Variants in REC114 observed in about 807,000 individuals in gnomAD.
The protein encoded by REC114 is REC114 meiotic recombination protein.
Under a neutral mutation model 31.3 loss-of-function variants are expected in REC114, and 27 were observed. That is an observed-to-expected ratio of 0.86 (90% confidence interval 0.64 to 1.19). The LOEUF is 1.19. Among genes scored for constraint, REC114 ranks in the 50% most tolerant of loss-of-function variants. The pLI is 0.00. For synonymous variants in REC114, 134 were observed against 127.7 expected, an observed-to-expected ratio of 1.05 and a Z score of -0.33; for missense variants, 344 against 326.9, an observed-to-expected ratio of 1.05 and a Z score of -0.40.
intron 2 of REC114, among the ~76,000 whole-genome samples, chr15:73,515,989 CTTT>C (rs200952058): frequency 7.0e-6 from 1 of 143,196 alleles, no homozygotes. Flanking sequence ...CTAGCTTTTT[CTTT>C]TTTTTTTTTT....
At chr15:73,545,218 A>T (rs1000435828) in intron 3 of REC114, among the ~76,000 whole-genome samples, 2 of 152,214 alleles carry the variant, frequency 1.3e-5, no homozygotes. Flanking sequence ...TTTACATGTA[A>T]GCCACCACTT....
At chr15:73,459,321 G>T (rs958266538) in intron 1 of REC114, among the ~76,000 whole-genome samples, 5 of 149,598 alleles carry the variant, frequency 3.3e-5, no homozygotes, top group South Asian at 2.1e-4. Flanking sequence ...TCTCCACCTC[G>T]CAGGGTCAAG....
At chr15:73,504,818 T>A (rs1893653425) in intron 2 of REC114, among the ~76,000 whole-genome samples, 1 of 152,192 alleles carries the variant, frequency 6.6e-6, no homozygotes, top group South Asian at 2.1e-4. Context: ...ATAAAAAATT[T>A]TGTGGGTTTT....
intron 2 of REC114, among the ~76,000 whole-genome samples, chr15:73,479,104 A>G (rs1210977135): frequency 6.6e-6 from 1 of 151,904 alleles, no homozygotes; most frequent in Non-Finnish European, 1.5e-5. Flanking sequence ...TTGAATAGCA[A>G]TGGTGAGAGT....
intron 1 of REC114, among the ~76,000 whole-genome samples, chr15:73,457,065 CT>C (rs934090597): frequency 0.034 from 2,343 of 68,000 alleles, 27 homozygotes; most frequent in African/African-American, 0.068. Context: ...TATTTCTGAG[CT>C]TTTTTTTTTT....
intron 2 of REC114, among the ~76,000 whole-genome samples, chr15:73,535,873 A>G (rs1444281196): frequency 6.6e-6 from 1 of 151,794 alleles, no homozygotes; most frequent in Non-Finnish European, 1.5e-5. Context: ...ATAACACCGC[A>G]TATCTACAAC....
intron 2 of REC114, among the ~76,000 whole-genome samples, chr15:73,528,031 TTTA>T (rs1424093436): frequency 6.6e-6 from 1 of 152,136 alleles, no homozygotes; most frequent in African/African-American, 2.4e-5. Flanking sequence ...AGCAAATATA[TTTA>T]AATTTGTAAG....
At chr15:73,500,830 C>T (rs909302721) in intron 2 of REC114, among the ~76,000 whole-genome samples, 1 of 150,068 alleles carries the variant, frequency 6.7e-6, no homozygotes, top group Non-Finnish European at 1.5e-5. Flanking sequence ...CTCCTCTGAA[C>T]TCTGATGAAT....
intron 1 of REC114, among the ~76,000 whole-genome samples, chr15:73,457,687 G>A (rs1892936361): frequency 6.6e-6 from 1 of 152,090 alleles, no homozygotes. Flanking sequence ...GATTTGTTCA[G>A]TTTTTTATTT....
At chr15:73,550,510 T>C (rs189883905) in intron 3 of REC114, among the ~76,000 whole-genome samples, 1 of 152,332 alleles carries the variant, frequency 6.6e-6, no homozygotes, top group East Asian at 1.9e-4. Flanking sequence ...TTGTTTAACA[T>C]AGTTATCTAC....
chr15:73,535,224 A>G (rs1894138492), intron 2 of REC114, among the ~76,000 whole-genome samples: 1 of 150,168 alleles, frequency 6.7e-6, no homozygotes, highest in Non-Finnish European at 1.5e-5. Flanking sequence ...CAATTAGGAA[A>G]AGAGGAAGCC....
chr15:73,551,689 C>A (rs763403283), intron 4 of REC114, among the ~76,000 whole-genome samples: 16 of 152,160 alleles, frequency 1.1e-4, no homozygotes, highest in Non-Finnish European at 1.9e-4. Context: ...GTATTTTGAA[C>A]TAGCCTCTTT....
At chr15:73,443,377 GC>G in intron 1 of REC114, 33 bp downstream of exon 1, 1 of 1,540,624 alleles carries the variant, frequency 6.5e-7, no homozygotes. Context: ...TCCCTGAGGT[GC>G]CCACAGCCCT....
intron 1 of REC114, among the ~76,000 whole-genome samples, chr15:73,457,808 T>C (rs1427827730): frequency 1.3e-5 from 2 of 152,236 alleles, no homozygotes; most frequent in African/African-American, 4.8e-5. Context: ...GTTTTTCTAC[T>C]GCAGGTCATC....
At chr15:73,551,798 T>C (rs1433843845) in intron 4 of REC114, among the ~76,000 whole-genome samples, 1 of 152,202 alleles carries the variant, frequency 6.6e-6, no homozygotes, top group Non-Finnish European at 1.5e-5. Context: ...TGAAATGAAC[T>C]ATCACTTCAG....
At chr15:73,511,496 T>A (rs1243618736) in intron 2 of REC114, among the ~76,000 whole-genome samples, 12 of 152,134 alleles carry the variant, frequency 7.9e-5, no homozygotes, top group African/African-American at 2.9e-4. Flanking sequence ...CTTTTGAATG[T>A]GTTTGCTCTT....
intron 3 of REC114, among the ~76,000 whole-genome samples, chr15:73,543,381 G>A (rs1461308835): frequency 1.3e-5 from 2 of 152,164 alleles, no homozygotes; most frequent in African/African-American, 4.8e-5. Flanking sequence ...TGCCCAGGCT[G>A]GAGTGCAATG....
intron 1 of REC114, among the ~76,000 whole-genome samples, chr15:73,457,383 A>G (rs1294291586): frequency 6.6e-6 from 1 of 152,012 alleles, no homozygotes; most frequent in African/African-American, 2.4e-5. Flanking sequence ...GCAGAGGAGG[A>G]GGTTCTGCAA....
intron 2 of REC114, among the ~76,000 whole-genome samples, chr15:73,533,671 T>G (rs62015532): frequency 3.4e-3 from 410 of 119,326 alleles, no homozygotes; most frequent in South Asian, 6.5e-3. Context: ...TGAACTCAGC[T>G]CTGCACCAAG....
Sources: allele counts gnomAD v4.1 joint callset (sites outside exome capture counted in the v4.1 genomes callset), GRCh38; gene constraint gnomAD v4.1.1; transcripts MANE v1.5; gene names NCBI Gene and HGNC (gene_info 2026-07-23, HGNC 2026-07-21).